The following COL4A3 variants were observed in gnomAD, a reference collection of about 807,000 sequenced individuals.
The protein encoded by COL4A3 is collagen alpha-3(IV) chain.
Under a neutral mutation model 217.4 loss-of-function variants are expected in COL4A3, and 135 were observed. The observed-to-expected ratio is 0.62, with a 90% CI of 0.54 to 0.72. COL4A3 has a LOEUF of 0.72. COL4A3 is among the 30% of genes least tolerant of loss of function. The probability of loss-of-function intolerance (pLI) is 0.00; values close to 1 mark genes in which losing one functional copy is unlikely to be tolerated. For missense variants in COL4A3, 1,868 were observed against 2,119.9 expected (o/e 0.88, Z 2.33); for synonymous variants, 690 against 736.3 (o/e 0.94, Z 1.02).
rs2073820702 is a variant in COL4A3, at chr2:227,313,867, G to A, written c.*1997G>A. The stretch of plus-strand genomic sequence containing the variant: ...TCAAAGTGTGGTCTCTGGAAGAGCA[G>A]TATCAGCATCATCTGGGAACTTGTC... On this transcript the variant is annotated 3_prime_UTR_variant, in exon 52 of 52. Transcript: ENST00000396578. 2 of 152,302 alleles carry A rather than the reference G, an allele frequency of 1.3e-5. 1 individual carries two copies. The highest frequency in any genetic ancestry group is 4.1e-4 in the South Asian group (2 of 4,826). The allele number at this position is 152,302 out of a possible 1,614,324, so 9.4% of individuals were successfully genotyped here.
chr2:227,181,857 G>T (rs1218237709), intron 1 of COL4A3, among the ~76,000 whole-genome samples: 21 of 151,668 alleles, frequency 1.4e-4, no homozygotes, highest in Admixed American at 1.4e-3. Context: ...TAGAGTAATG[G>T]GTATAATTTT....
intron 19 of COL4A3, 143 bp from the exon 20 acceptor site, chr2:227,260,939 G>C: frequency 3.0e-6 from 2 of 672,626 alleles, no homozygotes; most frequent in South Asian, 3.7e-5. Context: ...GAAAATTTCT[G>C]ATATTTGTCT....
intron 38 of COL4A3, chr2:227,294,053 G>A (rs1165277446): frequency 1.4e-5 from 4 of 285,542 alleles, no homozygotes; most frequent in Non-Finnish European, 2.7e-5. Context: ...ACTCTTTTTC[G>A]AACCCATTTC....
intron 28 of COL4A3, chr2:227,279,548 G>A (rs1242475809): frequency 4.0e-6 from 2 of 505,172 alleles, no homozygotes; most frequent in Non-Finnish European, 7.0e-6. Flanking sequence ...TCAGTGGTTT[G>A]AAGAATTGCT....
chr2:227,209,797 G>A (rs973797150), intron 1 of COL4A3, among the ~76,000 whole-genome samples: 8 of 152,124 alleles, frequency 5.3e-5, no homozygotes, highest in African/African-American at 1.7e-4. Flanking sequence ...AGCTGAGATC[G>A]TGCCATTGCG....
Position 227,311,930 on chromosome 2 carries a change from C to T in COL4A3, c.*60C>T. The T allele has an allele frequency of 6.2e-7, 1 of 1,604,344 alleles. No individual in the cohort carries two copies. The highest frequency in any genetic ancestry group is 8.5e-7 in the Non-Finnish European group (1 of 1,174,288). Reference sequence around the variant, plus strand: ...CCTAAAGAACAAAGTAATGACAGAACATGCTGTTATTTAGGTATTTTTCTT... The same window carrying T: ...CCTAAAGAACAAAGTAATGACAGAATATGCTGTTATTTAGGTATTTTTCTT... On this transcript the variant is annotated 3_prime_UTR_variant, in exon 52 of 52. Coordinates refer to ENST00000396578, the MANE Select transcript of COL4A3 (RefSeq NM_000091.5).
Position 227,313,929 on chromosome 2 carries a change from C to G in COL4A3, c.*2059C>G, listed in dbSNP as rs4290648. On this transcript the variant is annotated 3_prime_UTR_variant, in exon 52 of 52. Coordinates refer to ENST00000396578, the MANE Select transcript of COL4A3 (RefSeq NM_000091.5). ...TTCTAGGGACCACTCCAGACCTACA[C>G]AATCAGAAACTCTTGGGGGAGGGCC... 141,547 of 152,266 alleles carry G rather than the reference C, an allele frequency of 0.93. 65,840 individuals are homozygous for G. Among genetic ancestry groups the G allele is most frequent in the African/African-American group, 0.97 (40,191 of 41,544 alleles). 9.4% of individuals were successfully genotyped at this position (152,266 alleles called of 1,614,324 possible). A position where few individuals can be genotyped will look rare whatever the true frequency, so the allele number is the denominator to read the frequency against.
chr2:227,237,050 G>C (rs1249400537), intron 1 of COL4A3, among the ~76,000 whole-genome samples: 2 of 152,170 alleles, frequency 1.3e-5, no homozygotes, highest in Non-Finnish European at 2.9e-5. Flanking sequence ...ATGTCCATTG[G>C]AGCTGGAATG....
At chr2:227,183,563 C>T (rs1010839862) in intron 1 of COL4A3, among the ~76,000 whole-genome samples, 3 of 152,116 alleles carry the variant, frequency 2.0e-5, no homozygotes, top group African/African-American at 7.2e-5. Context: ...AAGATTGACT[C>T]AAACTTGGTG....
chr2:227,182,811 CTT>C (rs1300577670), intron 1 of COL4A3, among the ~76,000 whole-genome samples: 1 of 152,190 alleles, frequency 6.6e-6, no homozygotes, highest in Admixed American at 6.5e-5. Flanking sequence ...TCAAACCCCT[CTT>C]GAGCTATCAC....
chr2:227,291,077 TGA>T (rs1261448081), intron 37 of COL4A3, 191 bp downstream of exon 37: 9 of 622,028 alleles, frequency 1.4e-5, no homozygotes, highest in Non-Finnish European at 2.4e-5. Flanking sequence ...TGTCAACTTC[TGA>T]GAGCCTCTTT....
chr2:227,279,067 A>G (rs2071770379), intron 28 of COL4A3, among the ~76,000 whole-genome samples: 1 of 144,282 alleles, frequency 6.9e-6, no homozygotes, highest in South Asian at 2.3e-4. Context: ...GGGTGCTGAA[A>G]ACGTTCTATA....
At chr2:227,205,204 A>G (rs1376973048) in intron 1 of COL4A3, among the ~76,000 whole-genome samples, 2 of 148,064 alleles carry the variant, frequency 1.4e-5, no homozygotes, top group East Asian at 3.9e-4. Flanking sequence ...AATAGAGACT[A>G]CAAAAAATGT....
intron 15 of COL4A3, among the ~76,000 whole-genome samples, chr2:227,255,242 C>G (rs1281820651): frequency 6.6e-6 from 1 of 152,032 alleles, no homozygotes; most frequent in Non-Finnish European, 1.5e-5. Context: ...ACTGACAGTG[C>G]CATCAGAACC....
chr2:227,278,240 C>A (rs1239736827), intron 28 of COL4A3, among the ~76,000 whole-genome samples: 1 of 151,804 alleles, frequency 6.6e-6, no homozygotes, highest in Non-Finnish European at 1.5e-5. Flanking sequence ...TGTTTCCCCT[C>A]AAAGAGGAAA....
chr2:227,190,163 A>G (rs1182751849), intron 1 of COL4A3, among the ~76,000 whole-genome samples: 1 of 152,238 alleles, frequency 6.6e-6, no homozygotes, highest in African/African-American at 2.4e-5. Flanking sequence ...GAGTTGAAAA[A>G]TTCATCAAAC....
intron 1 of COL4A3, among the ~76,000 whole-genome samples, chr2:227,205,916 G>A (rs980964753): frequency 6.6e-6 from 1 of 152,172 alleles, no homozygotes; most frequent in Non-Finnish European, 1.5e-5. Context: ...TATCTGGGGA[G>A]ATCAAGAGCA....
Position 227,290,077 on chromosome 2 carries a change from TG to T in COL4A3, c.3062del (p.Gly1021AlafsTer133). ...LRGIPGSMGN[M>X]GMPGSKGKRG... ...GGTATACCAGGAAGCATGGGGAACA[TG>T]GGCATGCCAGGTAATGCATAAGGTC... On this transcript the variant is annotated frameshift_variant, in exon 36 of 52. Coordinates refer to ENST00000396578, the MANE Select transcript of COL4A3 (RefSeq NM_000091.5). LOFTEE classifies it high-confidence loss of function. 6.2e-7 allele frequency: 1 copy of T among 1,614,158 alleles called. No homozygotes were observed. The highest frequency in any genetic ancestry group is 8.5e-7 in the Non-Finnish European group (1 of 1,180,008).
chr2:227,221,114 T>C (rs1485103082), intron 1 of COL4A3: 1 of 152,254 alleles, frequency 6.6e-6, no homozygotes, highest in Non-Finnish European at 1.5e-5. Flanking sequence ...TTTTACCTTG[T>C]CCAGCACAAA....
Sources: allele counts gnomAD v4.1 joint callset (sites outside exome capture counted in the v4.1 genomes callset), GRCh38; gene constraint gnomAD v4.1.1; transcripts MANE v1.5; gene names NCBI Gene and HGNC (gene_info 2026-07-23, HGNC 2026-07-21).